Variants in MUC17 observed in about 807,000 individuals in gnomAD.
MUC17 encodes the protein mucin-17.
Under a neutral mutation model 170.3 loss-of-function variants are expected in MUC17, and 190 were observed. That is an observed-to-expected ratio of 1.12 (90% CI 0.99 to 1.26). The LOEUF (loss-of-function observed/expected upper bound fraction) is 1.26. Ranked by LOEUF, MUC17 falls within the 50% of genes most tolerant of loss-of-function variation. MUC17 has a pLI of 0.00. For synonymous variants in MUC17, 2,325 were observed against 2,002.5 expected, an observed-to-expected ratio of 1.16 and a Z score of -4.30; for missense variants, 6,415 against 5,530.0, an observed-to-expected ratio of 1.16 and a Z score of -5.08.
At chr7:101,052,924 G>C in intron 9 of MUC17, 62 bp from the exon 10 acceptor site, 3 of 1,567,768 alleles carry the variant, frequency 1.9e-6, no homozygotes, top group South Asian at 2.4e-5. Context: ...GCAGGGCCCA[G>C]GTCTGAAGCT....
At chr7:101,029,426 A>G (rs1005082306) in intron 1 of MUC17, among the ~76,000 whole-genome samples, 6 of 152,032 alleles carry the variant, frequency 3.9e-5, no homozygotes, top group Non-Finnish European at 8.8e-5. Context: ...TTCTCTGAAG[A>G]TTCTTATGTC....
Position 101,034,111 on chromosome 7 carries a change from T to A in MUC17, c.2695T>A (p.Ser899Thr). Reference protein sequence around the residue: ...PVDTSTPVTNSTEARSSPTTS... With the variant: ...PVDTSTPVTNTTEARSSPTTS... ...TGACACCAGCACACCTGTGACCAAT[T>A]CTACTGAAGCCCGTTCGTCTCCTAC... The change falls in exon 3 of 13, where the codon TCT (serine) becomes ACT (threonine). Residue 899 changes from serine to threonine, a missense_variant. By Grantham distance (58) the Ser-to-Thr change is moderately conservative. Transcript: ENST00000306151. 1 of 1,584,444 alleles carries A rather than the reference T, an allele frequency of 6.3e-7. No homozygotes were observed. The highest frequency in any genetic ancestry group is 8.6e-7 in the Non-Finnish European group (1 of 1,164,634).
At chr7:101,027,407 A>C (rs1021624062) in intron 1 of MUC17, among the ~76,000 whole-genome samples, 1 of 152,068 alleles carries the variant, frequency 6.6e-6, no homozygotes, top group African/African-American at 2.4e-5. Flanking sequence ...GGCTGGGATT[A>C]CAAGCATGAA....
At position 101,032,841 on chromosome 7, in the gene MUC17, T is replaced by C; in HGVS notation, c.1425T>C (p.Thr475=). The change falls in exon 3 of 13, where the codon ACT becomes ACC. Residue 475 remains threonine, a synonymous_variant. Transcript: ENST00000306151. ...ASSEASNLST[T]PVDSKTQVTT... is the part of the protein sequence containing the mutation. ...CTGAGGCTAGCAACCTTTCAACAAC[T>C]CCTGTTGACTCCAAAACTCAGGTGA... The C allele has an allele frequency of 1.2e-6, 2 of 1,613,380 alleles. No homozygotes were observed. Among genetic ancestry groups the C allele is most frequent in the Non-Finnish European group, 8.5e-7 (1 of 1,179,756 alleles).
Position 101,058,075 on chromosome 7 carries a change from A to C in MUC17, c.*31A>C. The C allele has an allele frequency of 6.2e-7, 1 of 1,603,734 alleles. No individual in the cohort carries two copies. Among genetic ancestry groups the C allele is most frequent in the South Asian group, 1.1e-5 (1 of 90,730 alleles). ...GGAGCTGAGAAGTCTGGGAGTGAGG[A>C]GATCCCAGTCCGGCTAAGCTTGGTG... On this transcript the variant is annotated 3_prime_UTR_variant, in exon 13 of 13. Coordinates refer to ENST00000306151, the MANE Select transcript of MUC17 (RefSeq NM_001040105.2).
intron 3 of MUC17, among the ~76,000 whole-genome samples, chr7:101,045,930 T>G (rs1429167685): frequency 6.6e-6 from 1 of 152,214 alleles, no homozygotes; most frequent in Non-Finnish European, 1.5e-5. Context: ...TCTGTCTTCC[T>G]CTTCTTCCCC....
Position 101,050,361 on chromosome 7 carries a change from C to A in MUC17, c.12723-123C>A. On this transcript the variant is annotated intron_variant, in intron 6 of 12. Transcript: ENST00000306151. ...CAAATGCCTAGGACAGAGTCATCAC[C>A]CCAACTGTCCTGCCCCCAGCTCTGC... 2.8e-6 allele frequency: 4 copies of A among 1,409,828 alleles called. No homozygotes were observed. The South Asian group carries it at 4.2e-5, about 15-fold the overall frequency. 87.3% of individuals were successfully genotyped at this position (1,409,828 alleles called of 1,614,324 possible).
At chr7:101,044,056 G>A (rs927651720) in intron 3 of MUC17, among the ~76,000 whole-genome samples, 1 of 152,104 alleles carries the variant, frequency 6.6e-6, no homozygotes, top group Non-Finnish European at 1.5e-5. Context: ...TGTTCTCATT[G>A]TTCAGTTCCC....
At position 101,052,021 on chromosome 7, in the gene MUC17, G is replaced by T. The variant is rs566349729; in HGVS notation, c.13103+59G>T. ...AGACGTCCTGGTCCTCCCCTCCCCT[G>T]CAGGGCTTCACCCCAGGCATTGCCT... On this transcript the variant is annotated intron_variant, in intron 9 of 12. Coordinates refer to ENST00000306151, the MANE Select transcript of MUC17 (RefSeq NM_001040105.2). 285 of 1,562,202 alleles carry T rather than the reference G, an allele frequency of 1.8e-4. No homozygotes were observed. In the African/African-American group the frequency reaches 3.4e-3, roughly 19 times the overall value.
At chr7:101,024,987 C>T (rs948504908) in intron 1 of MUC17, among the ~76,000 whole-genome samples, 3 of 152,012 alleles carry the variant, frequency 2.0e-5, no homozygotes, top group Non-Finnish European at 4.4e-5. Flanking sequence ...GAGGACTGCA[C>T]TCCAGCCTGG....
At chr7:101,051,985 C>T in intron 9 of MUC17, 23 bp downstream of exon 9, 1 of 1,599,016 alleles carries the variant, frequency 6.3e-7, no homozygotes. Flanking sequence ...CCATCTCCTC[C>T]AGCCCAGCCC....
rs1794721495 is a variant in MUC17 at position 101,041,946 on chromosome 7, A to T, written c.10530A>T (p.Ser3510=). The T allele has an allele frequency of 6.2e-7, 1 of 1,610,936 alleles. No homozygotes were observed. The highest frequency in any genetic ancestry group is 8.5e-7 in the Non-Finnish European group (1 of 1,179,270). ...TTAEVTSMPT[S]TAGEGSTPLT... Reference sequence around the variant, plus strand: ...CTGAAGTTACCAGCATGCCAACATCAACTGCTGGTGAAGGAAGCACTCCAT... The same window carrying T: ...CTGAAGTTACCAGCATGCCAACATCTACTGCTGGTGAAGGAAGCACTCCAT... The change falls in exon 3 of 13, where the codon TCA becomes TCT. Residue 3510 remains serine, a synonymous_variant. Coordinates refer to ENST00000306151, the MANE Select transcript of MUC17 (RefSeq NM_001040105.2).
chr7:101,043,814 C>A lies in MUC17; in HGVS notation c.12398C>A (p.Thr4133Lys), dbSNP rs1436119456. Residue 4133 changes from threonine to lysine, a missense_variant, in exon 3 of 13, where the codon ACA becomes AAA. By Grantham distance (78) the Thr-to-Lys change is moderately conservative (BLOSUM62 -1). Transcript: ENST00000306151. Reference protein sequence around the residue: ...PTSTPTVPRTTTCFGDGCQNT... With the variant: ...PTSTPTVPRTKTCFGDGCQNT... ...TCAACTCCTACTGTGCCAAGAACCA[C>A]AACATGTAAGTGATTTCTTGAATTT... 6.3e-7 allele frequency: 1 copy of A among 1,593,478 alleles called. No homozygotes were observed. Among genetic ancestry groups the A allele is most frequent in the Non-Finnish European group, 8.6e-7 (1 of 1,168,392 alleles).
In MUC17 at chr7:101,043,555, C is replaced by T; in HGVS notation, c.12139C>T (p.Pro4047Ser). The T allele has an allele frequency of 6.2e-7, 1 of 1,614,188 alleles. No individual in the cohort carries two copies. The highest frequency in any genetic ancestry group is 8.5e-7 in the Non-Finnish European group (1 of 1,180,040). ...TTCTGTCACCACCCGTCCTGTGACC[C>T]CTTCATCAGAATCCAGCAGGCCGTC... ...STSVTTRPVT[P>S]SSESSRPSTI... Residue 4047 changes from proline to serine, a missense_variant, in exon 3 of 13, where the codon CCT becomes TCT. Transcript: ENST00000306151.
In MUC17 at chr7:101,037,234, A is replaced by T. The variant is rs751007384; in HGVS notation, c.5818A>T (p.Ser1940Cys). 1.2e-6 allele frequency: 2 copies of T among 1,611,312 alleles called. No individual in the cohort carries two copies. The highest frequency in any genetic ancestry group is 4.5e-5 in the East Asian group (2 of 44,774). Residue 1940 changes from serine (S) to cysteine (C), a missense_variant, in exon 3 of 13, where the codon AGT becomes TGT. By Grantham distance (112) the Ser-to-Cys change is moderately radical. Transcript: ENST00000306151. ...ACCTGTCAGCACCACAACAGTGGCC[A>T]GTTCTGAAATCAACACCCTTTCAAC... is the stretch of plus-strand genomic sequence containing the variant. ...SIPVSTTTVA[S>C]SEINTLSTTL...
In MUC17 at chr7:101,034,241, G is replaced by T. The variant is rs780665707; in HGVS notation, c.2825G>T (p.Arg942Ile). 6.2e-7 allele frequency: 1 copy of T among 1,602,060 alleles called. No individual in the cohort carries two copies. Among genetic ancestry groups the T allele is most frequent in the East Asian group, 2.3e-5 (1 of 43,706 alleles). Residue 942 changes from arginine to isoleucine, a missense_variant, in exon 3 of 13, where the codon AGA becomes ATA. Coordinates refer to ENST00000306151, the MANE Select transcript of MUC17 (RefSeq NM_001040105.2). ...STTPVVSSEA[R>I]TLSATPVDTS... The stretch of plus-strand genomic sequence containing the variant: ...ACGCCGGTAGTCAGTTCTGAGGCTA[G>T]AACACTTTCAGCAACTCCTGTTGAC...
chr7:101,036,380 C>A lies in MUC17; in HGVS notation c.4964C>A (p.Pro1655His), dbSNP rs987092287. The A allele has an allele frequency of 3.1e-6, 5 of 1,612,850 alleles. No individual in the cohort carries two copies. The African/African-American group carries it at 6.7e-5, about 22-fold the overall frequency. Residue 1655 changes from proline to histidine, a missense_variant, in exon 3 of 13, where the codon CCT (proline) becomes CAT (histidine). Transcript: ENST00000306151. Reference sequence around the variant, plus strand: ...GAGGCTAGCACCCTTTCAACAACTCCTGTTGACTCCAACAGTCCTGTGATC... The same window carrying A: ...GAGGCTAGCACCCTTTCAACAACTCATGTTGACTCCAACAGTCCTGTGATC... ...SPEASTLSTT[P>H]VDSNSPVITS...
intron 9 of MUC17, 143 bp downstream of exon 9, chr7:101,052,105 G>C (rs1794959517): frequency 3.9e-6 from 4 of 1,019,200 alleles, no homozygotes; most frequent in South Asian, 1.6e-5. Context: ...AGCTGCAGAG[G>C]AATTGGGTTG....
At chr7:101,056,143 G>GATT in intron 11 of MUC17, 51 bp from the exon 12 acceptor site, 1 of 1,611,490 alleles carries the variant, frequency 6.2e-7, no homozygotes, top group Non-Finnish European at 8.5e-7. Flanking sequence ...AGAGATGAAA[G>GATT]TTTGTCCTTC....
Sources: gnomAD v4.1 joint callset for allele counts (sites outside exome capture counted in the v4.1 genomes callset) on GRCh38, gnomAD v4.1.1 for gene constraint, MANE v1.5 for transcripts, NCBI Gene and HGNC (gene_info 2026-07-23, HGNC 2026-07-21) for gene names.